HPSE2: variants seen among roughly 807,000 people sequenced by gnomAD.
HPSE2 encodes inactive heparanase-2.
Under a neutral mutation model 60.5 loss-of-function variants are expected in HPSE2, and 38 were observed. The ratio of observed to expected loss-of-function variants is 0.63; its 90% CI spans 0.48 to 0.82. The LOEUF (loss-of-function observed/expected upper bound fraction) is 0.82, where lower values mean the gene tolerates loss of function less well. Among genes scored for constraint, HPSE2 ranks in the 40% least tolerant of loss-of-function variants. The probability of loss-of-function intolerance (pLI) is 0.00; values close to 1 mark genes in which losing one functional copy is unlikely to be tolerated. For missense variants in HPSE2, 713 were observed against 740.4 expected (o/e 0.96, Z 0.43); for synonymous variants, 295 against 293.2 (o/e 1.01, Z -0.06).
In HPSE2 at chr10:98,972,891, T is replaced by C. The variant is rs182154613; in HGVS notation, c.610+171347A>G. On this transcript the variant is annotated intron_variant, in intron 3 of 11. Coordinates refer to ENST00000370552, the MANE Select transcript of HPSE2 (RefSeq NM_021828.5). ...TCTTAATGTATTTATAAGACATGTA[T>C]GGGGTGGGGAGCTCCAGGTGGGTAA... 5.3e-5 allele frequency among the ~76,000 whole-genome samples: 8 copies of C among 152,252 alleles called. No individual in the cohort carries two copies. The East Asian group carries it at 1.5e-3, about 29-fold the overall frequency.
At chr10:99,198,858 C>T (rs934340848) in intron 2 of HPSE2, among the ~76,000 whole-genome samples, 1 of 152,116 alleles carries the variant, frequency 6.6e-6, no homozygotes, top group Admixed American at 6.5e-5. Flanking sequence ...CCTCTTCTCC[C>T]AGTACCTGGA....
chr10:98,956,976 C>T (rs1955525713), intron 3 of HPSE2, among the ~76,000 whole-genome samples: 2 of 151,988 alleles, frequency 1.3e-5, no homozygotes, highest in African/African-American at 4.8e-5. Flanking sequence ...GGCACTGGTA[C>T]AAATTGAATG....
At chr10:99,037,788 TA>T (rs1957644159) in intron 3 of HPSE2, among the ~76,000 whole-genome samples, 1 of 151,782 alleles carries the variant, frequency 6.6e-6, no homozygotes, top group Non-Finnish European at 1.5e-5. Flanking sequence ...ACCTGAAAAG[TA>T]AAGAAAATAG....
the HPSE2 span, among the ~76,000 whole-genome samples, chr10:99,276,471 T>C: frequency 1.3e-5 from 2 of 152,212 alleles, no homozygotes; most frequent in Non-Finnish European, 2.9e-5. Context: ...ATCTCTTTCA[T>C]ATATATGTCT....
At chr10:98,566,717 C>T (rs1944355721) in intron 9 of HPSE2, among the ~76,000 whole-genome samples, 1 of 152,072 alleles carries the variant, frequency 6.6e-6, no homozygotes, top group Non-Finnish European at 1.5e-5. Context: ...AAAACTTGCC[C>T]CTGAACACAA....
At chr10:99,268,393 C>A in the HPSE2 span, among the ~76,000 whole-genome samples, 13 of 152,072 alleles carry the variant, frequency 8.5e-5, no homozygotes, top group Non-Finnish European at 1.8e-4. Flanking sequence ...CCTGTAATCC[C>A]AGCACTTTGG....
At chr10:98,572,549 T>C (rs1210144932) in intron 9 of HPSE2, among the ~76,000 whole-genome samples, 2 of 152,218 alleles carry the variant, frequency 1.3e-5, no homozygotes, top group African/African-American at 4.8e-5. Context: ...CGTGAACTCT[T>C]ATACCTGTCA....
chr10:98,812,562 T>C (rs542901263), intron 3 of HPSE2, among the ~76,000 whole-genome samples: 3 of 152,266 alleles, frequency 2.0e-5, no homozygotes, highest in Non-Finnish European at 4.4e-5. Flanking sequence ...AAGGCACATA[T>C]GTAATTTAAA....
At position 98,576,898 on chromosome 10, in the gene HPSE2, A is replaced by T. The variant is rs533181904; in HGVS notation, c.1320+38006T>A. Among the ~76,000 whole-genome samples, 48 of 151,746 alleles carry T rather than the reference A, an allele frequency of 3.2e-4. No homozygotes were observed. The Middle Eastern group carries it at 0.01, about 32-fold the overall frequency. ...ACCACAGTAATATATTCACATGGTT[A>T]AAAAAAATGCCAAAAAGCTTATCAT... On this transcript the variant is annotated intron_variant, in intron 9 of 11. Transcript: ENST00000370552.
intron 9 of HPSE2, among the ~76,000 whole-genome samples, chr10:98,570,146 C>A (rs1310108047): frequency 1.3e-5 from 2 of 152,178 alleles, no homozygotes; most frequent in Non-Finnish European, 1.5e-5. Flanking sequence ...CCCCAAGCTG[C>A]TCCTTCCTTG....
At chr10:98,707,003 T>C (rs1948564264) in intron 5 of HPSE2, among the ~76,000 whole-genome samples, 1 of 152,070 alleles carries the variant, frequency 6.6e-6, no homozygotes, top group African/African-American at 2.4e-5. Context: ...GATTTGCATT[T>C]CAGGATCTGG....
intron 3 of HPSE2, among the ~76,000 whole-genome samples, chr10:99,030,263 C>T (rs577575054): frequency 6.6e-6 from 1 of 152,324 alleles, no homozygotes; most frequent in African/African-American, 2.4e-5. Flanking sequence ...TGGAACAGCT[C>T]ATGTCCTTGG....
Position 99,170,317 on chromosome 10 carries a change from T to A in HPSE2, c.449-25918A>T, listed in dbSNP as rs564006321. 2.0e-5 allele frequency among the ~76,000 whole-genome samples: 3 copies of A among 152,328 alleles called. No individual in the cohort carries two copies. In the South Asian group the frequency reaches 6.2e-4, roughly 32 times the overall value. The stretch of plus-strand genomic sequence containing the variant: ...CCACTTCTAAATGTATGCAAATATA[T>A]ATGGATACTTGGCAGATATCCATGA... On this transcript the variant is annotated intron_variant, in intron 2 of 11. Transcript: ENST00000370552.
In HPSE2 at chr10:98,598,270, T is replaced by C. The variant is rs980046356; in HGVS notation, c.1320+16634A>G. Reference sequence around the variant, plus strand: ...ATTCTGGGCAGGTTGTCTGGAGTGGTCCATAGATGGGCTTGCTGCTGGAGT... The same window carrying C: ...ATTCTGGGCAGGTTGTCTGGAGTGGCCCATAGATGGGCTTGCTGCTGGAGT... On this transcript the variant is annotated intron_variant, in intron 9 of 11. Coordinates refer to ENST00000370552, the MANE Select transcript of HPSE2 (RefSeq NM_021828.5). Among the ~76,000 whole-genome samples, 7 of 152,096 alleles carry C rather than the reference T, an allele frequency of 4.6e-5. No individual in the cohort carries two copies. The East Asian group carries it at 9.7e-4, about 21-fold the overall frequency.
intron 9 of HPSE2, among the ~76,000 whole-genome samples, chr10:98,557,645 G>C (rs1258785662): frequency 6.6e-6 from 1 of 152,186 alleles, no homozygotes; most frequent in Non-Finnish European, 1.5e-5. Context: ...TTAAGAATGT[G>C]TGTTTATCAA....
intron 3 of HPSE2, among the ~76,000 whole-genome samples, chr10:98,771,355 C>T (rs1336504): frequency 0.054 from 8,228 of 152,090 alleles, 713 homozygotes; most frequent in African/African-American, 0.18. Context: ...ATTTCAGCTC[C>T]AAATATTGGA....
chr10:99,100,915 T>C (rs1281033001), intron 3 of HPSE2, among the ~76,000 whole-genome samples: 1 of 152,044 alleles, frequency 6.6e-6, no homozygotes, highest in Admixed American at 6.6e-5. Flanking sequence ...GAAGGAGAAA[T>C]AAAATACTTT....
At chr10:99,281,990 T>C in the HPSE2 span, among the ~76,000 whole-genome samples, 3 of 152,068 alleles carry the variant, frequency 2.0e-5, no homozygotes, top group African/African-American at 7.2e-5. Flanking sequence ...CCGGGTGCGG[T>C]GGCTCATGCC....
chr10:98,689,215 T>C (rs1948010596), intron 6 of HPSE2, among the ~76,000 whole-genome samples: 1 of 152,200 alleles, frequency 6.6e-6, no homozygotes, highest in Non-Finnish European at 1.5e-5. Context: ...GTCTGAACTC[T>C]AATTGTGCAT....
Sources: gnomAD v4.1 joint callset for allele counts (sites outside exome capture counted in the v4.1 genomes callset) on GRCh38, gnomAD v4.1.1 for gene constraint, MANE v1.5 for transcripts, NCBI Gene and HGNC (gene_info 2026-07-23, HGNC 2026-07-21) for gene names.